AOAH: variants seen among roughly 807,000 people sequenced by gnomAD.
The protein encoded by AOAH is acyloxyacyl hydrolase (neutrophil).
In AOAH, 64 loss-of-function variants were observed where a neutral mutation model predicts 92.2. That is an observed-to-expected ratio of 0.69 (90% CI 0.57 to 0.86). The LOEUF (loss-of-function observed/expected upper bound fraction) is 0.86, where lower values mean the gene tolerates loss of function less well. Among genes scored for constraint, AOAH ranks in the 40% least tolerant of loss-of-function variants. The pLI is 0.00. For synonymous variants in AOAH, 263 were observed against 254.5 expected (o/e 1.03, Z -0.32); for missense variants, 656 against 694.6 (o/e 0.94, Z 0.62).
intron 4 of AOAH, among the ~76,000 whole-genome samples, chr7:36,654,553 C>T (rs1230029575): frequency 1.3e-5 from 2 of 152,150 alleles, no homozygotes; most frequent in African/African-American, 2.4e-5. Context: ...AGCCAGATCT[C>T]TGTTGCTCTG....
In AOAH at chr7:36,514,492, T is replaced by G. The variant is rs547590795; in HGVS notation, c.1600-1112A>C. 10 of 1,535,848 alleles carry G rather than the reference T, an allele frequency of 6.5e-6. No homozygotes were observed. In the Admixed American group the frequency reaches 9.8e-5, roughly 15 times the overall value. ...CTTACTCTCTGGTTCTGCTGTCGCA[T>G]GTCAGGTTTCCCTTTATCCATGATG... On this transcript the variant is annotated intron_variant, in intron 20 of 20. Coordinates refer to ENST00000617537, the MANE Select transcript of AOAH (RefSeq NM_001637.4).
chr7:36,542,963 T>C (rs1439893681), intron 15 of AOAH, among the ~76,000 whole-genome samples: 2 of 152,162 alleles, frequency 1.3e-5, no homozygotes, highest in Non-Finnish European at 2.9e-5. Context: ...AGTATTAAAG[T>C]ATTGTTGACT....
At chr7:36,671,418 T>C (rs751998371) in intron 3 of AOAH, among the ~76,000 whole-genome samples, 1 of 152,198 alleles carries the variant, frequency 6.6e-6, no homozygotes, top group Non-Finnish European at 1.5e-5. Context: ...CAAAGATGAA[T>C]AAAATGTAGT....
intron 1 of AOAH, among the ~76,000 whole-genome samples, chr7:36,716,168 T>C (rs1799156886): frequency 6.6e-6 from 1 of 152,112 alleles, no homozygotes; most frequent in South Asian, 2.1e-4. Flanking sequence ...GGGCAAAGGA[T>C]ATGAACAGAC....
intron 11 of AOAH, among the ~76,000 whole-genome samples, chr7:36,597,251 C>T (rs888946408): frequency 6.6e-6 from 1 of 152,172 alleles, no homozygotes; most frequent in Non-Finnish European, 1.5e-5. Context: ...GTGACAGGTA[C>T]TTTGTCACCC....
chr7:36,616,061 C>T (rs570435772), intron 11 of AOAH, among the ~76,000 whole-genome samples: 24 of 152,280 alleles, frequency 1.6e-4, no homozygotes, highest in Admixed American at 3.3e-4. Context: ...GGACAGGCCC[C>T]GGAGTGCCTC....
intron 20 of AOAH, among the ~76,000 whole-genome samples, chr7:36,520,331 A>G (rs756131316): frequency 1.1e-4 from 16 of 152,242 alleles, no homozygotes; most frequent in Non-Finnish European, 5.9e-5. Flanking sequence ...CCATCTTTTC[A>G]TATACCCATT....
intron 2 of AOAH, among the ~76,000 whole-genome samples, chr7:36,678,600 T>TGTGTGTGTGTGTGTGTGTGTGTGCGC (rs549317369): frequency 6.7e-4 from 88 of 131,054 alleles, no homozygotes; most frequent in Non-Finnish European, 1.1e-3. Flanking sequence ...TGTGTGTGTG[T>TGTGTGTGTGTGTGTGTGTGTGTGCGC]GCGCGCGCGC....
intron 20 of AOAH, among the ~76,000 whole-genome samples, chr7:36,513,806 G>T (rs1371003444): frequency 6.6e-6 from 1 of 152,208 alleles, no homozygotes; most frequent in Non-Finnish European, 1.5e-5. Flanking sequence ...ATGAGAACAT[G>T]GCCTGGATGC....
chr7:36,569,052 C>T (rs1025251479), intron 13 of AOAH, among the ~76,000 whole-genome samples: 6 of 152,076 alleles, frequency 3.9e-5, no homozygotes, highest in African/African-American at 1.4e-4. Context: ...TATTTTTTTT[C>T]ATATCCAGAC....
intron 4 of AOAH, among the ~76,000 whole-genome samples, chr7:36,647,236 T>G (rs767401284): frequency 6.6e-6 from 1 of 152,220 alleles, no homozygotes; most frequent in African/African-American, 2.4e-5. Context: ...AGATGAATCA[T>G]GGAAGAACTG....
intron 12 of AOAH, among the ~76,000 whole-genome samples, chr7:36,587,348 A>G (rs967314202): frequency 6.6e-6 from 1 of 151,876 alleles, no homozygotes; most frequent in Admixed American, 6.6e-5. Flanking sequence ...AAAAGGGAGG[A>G]GCACTTCAGT....
At chr7:36,531,537 G>T (rs1320296370) in intron 18 of AOAH, among the ~76,000 whole-genome samples, 2 of 152,024 alleles carry the variant, frequency 1.3e-5, no homozygotes. Flanking sequence ...TAGTAGAGAT[G>T]GGGTTTCATC....
intron 12 of AOAH, among the ~76,000 whole-genome samples, chr7:36,587,096 A>G (rs990477606): frequency 6.6e-6 from 1 of 151,700 alleles, no homozygotes; most frequent in Non-Finnish European, 1.5e-5. Flanking sequence ...ATATGGTGAA[A>G]CCCTGTCTCT....
At chr7:36,642,824 T>C (rs753150793) in intron 4 of AOAH, among the ~76,000 whole-genome samples, 1 of 152,234 alleles carries the variant, frequency 6.6e-6, no homozygotes, top group Admixed American at 6.5e-5. Context: ...TTGGTCTCTA[T>C]TGCTATTTCC....
intron 16 of AOAH, among the ~76,000 whole-genome samples, chr7:36,533,168 T>C (rs547760637): frequency 7.9e-5 from 12 of 152,080 alleles, no homozygotes; most frequent in African/African-American, 2.4e-4. Flanking sequence ...GCTTCCAGCA[T>C]ATCCACCCCG....
At chr7:36,629,884 C>T (rs1367652937) in intron 6 of AOAH, among the ~76,000 whole-genome samples, 2 of 152,094 alleles carry the variant, frequency 1.3e-5, no homozygotes. Flanking sequence ...AGTCCTAACC[C>T]CTGGTATCTG....
At chr7:36,539,465 C>T (rs1320174091) in intron 16 of AOAH, among the ~76,000 whole-genome samples, 2 of 152,248 alleles carry the variant, frequency 1.3e-5, no homozygotes, top group Non-Finnish European at 2.9e-5. Flanking sequence ...TTATCACCTT[C>T]TGATATACTT....
chr7:36,686,805 G>A lies in AOAH; in HGVS notation c.128-11C>T, dbSNP rs1469849065. 3 of 1,522,886 alleles carry A rather than the reference G, an allele frequency of 2.0e-6. No homozygotes were observed. Among genetic ancestry groups the A allele is most frequent in the Admixed American group, 2.1e-5 (1 of 47,108 alleles). 94.3% of individuals were successfully genotyped at this position (1,522,886 alleles called of 1,614,324 possible). On this transcript the variant is annotated splice_polypyrimidine_tract_variant and intron_variant, in intron 1 of 20. Coordinates refer to ENST00000617537, the MANE Select transcript of AOAH (RefSeq NM_001637.4). ...CCACCAGCACACACCCTGCCAGGGAGGAGAAGAACATGTAATCTGTGTCAC... is the reference window on the plus strand; with the variant it reads ...CCACCAGCACACACCCTGCCAGGGAAGAGAAGAACATGTAATCTGTGTCAC...
Sources: allele counts gnomAD v4.1 joint callset (sites outside exome capture counted in the v4.1 genomes callset), GRCh38; gene constraint gnomAD v4.1.1; transcripts MANE v1.5; gene names NCBI Gene and HGNC (gene_info 2026-07-23, HGNC 2026-07-21).